Variants in RASA3 observed in about 807,000 individuals in gnomAD.
RASA3 encodes the protein RAS p21 protein activator 3, also known as ras GTPase-activating protein 3.
RASA3 carries 73 observed loss-of-function variants against 110.0 expected under a neutral mutation model. The ratio of observed to expected loss-of-function variants is 0.66; its 90% CI spans 0.55 to 0.81. The LOEUF (loss-of-function observed/expected upper bound fraction) is 0.81, where lower values mean the gene tolerates loss of function less well. RASA3 is among the 30% of genes least tolerant of loss of function. The probability of loss-of-function intolerance (pLI) is 0.00; values close to 1 mark genes in which losing one functional copy is unlikely to be tolerated. For synonymous variants in RASA3, 500 were observed against 451.4 expected, an observed-to-expected ratio of 1.11 and a Z score of -1.37; for missense variants, 976 against 1,113.2, an observed-to-expected ratio of 0.88 and a Z score of 1.75.
Position 113,996,566 on chromosome 13 carries a change from T to A in RASA3, c.2106A>T (p.Pro702=). 1 of 1,613,180 alleles carries A rather than the reference T, an allele frequency of 6.2e-7. No individual in the cohort carries two copies. The highest frequency in any genetic ancestry group is 1.1e-5 in the South Asian group (1 of 91,068). ...GCGAGCAGCCCGGAGCCGAGTCGGA[T>A]GGCGCCCTACAGCACAGCCAGTGGC... The part of the protein sequence containing the change: ...LSGHWLCCRA[P]SDSAPGCSPC... Residue 702 remains proline, a synonymous_variant, in exon 21 of 24, where the codon CCA becomes CCT. Transcript: ENST00000334062.
chr13:114,044,644 C>T (rs1478010503), intron 3 of RASA3, among the ~76,000 whole-genome samples: 1 of 146,614 alleles, frequency 6.8e-6, no homozygotes, highest in East Asian at 2.0e-4. Flanking sequence ...TGCATAACCT[C>T]CCCTTTCCCC....
At chr13:114,031,928 G>A (rs1312472133) in intron 4 of RASA3, among the ~76,000 whole-genome samples, 4 of 152,154 alleles carry the variant, frequency 2.6e-5, no homozygotes, top group Non-Finnish European at 4.4e-5. Context: ...GCAGAACCTC[G>A]GATGGAGCAG....
intron 2 of RASA3, among the ~76,000 whole-genome samples, chr13:114,058,024 T>A (rs988381650): frequency 2.6e-5 from 4 of 151,890 alleles, no homozygotes; most frequent in Non-Finnish European, 5.9e-5. Flanking sequence ...CTTCCCCAGG[T>A]GTGCGTTTTC....
chr13:114,076,365 C>T (rs948205286), intron 1 of RASA3, among the ~76,000 whole-genome samples: 2 of 152,224 alleles, frequency 1.3e-5, no homozygotes, highest in African/African-American at 4.8e-5. Flanking sequence ...CCTTCTTCAC[C>T]CGCTGCATGG....
chr13:114,122,329 G>C (rs902512116), intron 1 of RASA3, among the ~76,000 whole-genome samples: 1 of 152,202 alleles, frequency 6.6e-6, no homozygotes, highest in South Asian at 2.1e-4. Flanking sequence ...CATCCCACCC[G>C]GACCTCGGAG....
In RASA3 at chr13:114,087,913, C is replaced by T. The variant is rs369501467; in HGVS notation, c.56-14076G>A. Among the ~76,000 whole-genome samples, 25 of 152,290 alleles carry T rather than the reference C, an allele frequency of 1.6e-4. No homozygotes were observed. The East Asian group carries it at 2.3e-3, about 14-fold the overall frequency. On this transcript the variant is annotated intron_variant, in intron 1 of 23. Coordinates refer to ENST00000334062, the MANE Select transcript of RASA3 (RefSeq NM_007368.4). Reference sequence around the variant, plus strand: ...GAGAGGCTGAGGCTGACGGATGGCTCGAGCCCAGGAGTTGGAGACCAGCCT... The same window carrying T: ...GAGAGGCTGAGGCTGACGGATGGCTTGAGCCCAGGAGTTGGAGACCAGCCT...
At chr13:114,054,253 G>A (rs1204385467) in intron 2 of RASA3, among the ~76,000 whole-genome samples, 1 of 152,184 alleles carries the variant, frequency 6.6e-6, no homozygotes, top group African/African-American at 2.4e-5. Flanking sequence ...CTCAATAAAT[G>A]ATGACAAATA....
chr13:114,020,995 C>T lies in RASA3; in HGVS notation c.785+409G>A, dbSNP rs371712490. 3.8e-4 allele frequency among the ~76,000 whole-genome samples: 58 copies of T among 152,270 alleles called. 1 individual carries two copies. In the East Asian group the frequency reaches 8.7e-3, roughly 23 times the overall value. The stretch of plus-strand genomic sequence containing the variant: ...GGCCCCGCTTTCACCCAGGATCAGA[C>T]CCCACGAGCTGCTCACAGCTCAGGG... On this transcript the variant is annotated intron_variant, in intron 9 of 23. Transcript: ENST00000334062.
intron 1 of RASA3, among the ~76,000 whole-genome samples, chr13:114,124,841 G>A (rs553147373): frequency 7.2e-4 from 109 of 152,362 alleles, no homozygotes; most frequent in Middle Eastern, 3.4e-3. Flanking sequence ...CTTGCAATCT[G>A]TGAAGGGATG....
chr13:114,000,749 C>T, intron 19 of RASA3, 77 bp downstream of exon 19: 2 of 1,095,696 alleles, frequency 1.8e-6, no homozygotes, highest in Admixed American at 1.7e-5. Context: ...CCTCAGCTCT[C>T]CCCCTGAAAA....
rs75722196 is a variant in RASA3, at chr13:114,022,210, G to T, written c.681-702C>A. ...GCAGGCCCAGCATTGTGAAGCTTCT[G>T]CTCATGTCTAACACAGCAGCGGCTC... On this transcript the variant is annotated intron_variant, in intron 8 of 23. Transcript: ENST00000334062. 3.3e-3 allele frequency among the ~76,000 whole-genome samples: 509 copies of T among 152,308 alleles called. 5 individuals carry two copies. The highest frequency in any genetic ancestry group is 9.7e-3 in the African/African-American group (405 of 41,566).
chr13:114,100,877 G>A lies in RASA3; in HGVS notation c.56-27040C>T, dbSNP rs539424733. Among the ~76,000 whole-genome samples the A allele has an allele frequency of 3.9e-4, 60 of 152,344 alleles. No homozygotes were observed. The South Asian group carries it at 4.1e-3, about 11-fold the overall frequency. ...TGCTAGTGACTGACAGGTGGACTGC[G>A]GGGCCTCAACTGCTACTGAGAATGC... is the stretch of plus-strand genomic sequence containing the variant. On this transcript the variant is annotated intron_variant, in intron 1 of 23. Transcript: ENST00000334062.
Position 114,077,870 on chromosome 13 carries a change from G to A in RASA3, c.56-4033C>T, listed in dbSNP as rs908556601. On this transcript the variant is annotated intron_variant, in intron 1 of 23. Coordinates refer to ENST00000334062, the MANE Select transcript of RASA3 (RefSeq NM_007368.4). Reference sequence around the variant, plus strand: ...CTTTTTAATCTACTTTTGCTATGATGCATTTAATAAAAAAAAAAGTGGGGG... The same window carrying A: ...CTTTTTAATCTACTTTTGCTATGATACATTTAATAAAAAAAAAAGTGGGGG... The A allele has an allele frequency of 1.3e-5, 13 of 983,632 alleles. No individual in the cohort carries two copies. In the South Asian group the frequency reaches 4.2e-4, roughly 32 times the overall value. The allele number at this position is 983,632 out of a possible 1,614,324, so 60.9% of individuals were successfully genotyped here.
chr13:114,019,028 C>A, intron 9 of RASA3, 109 bp from the exon 10 acceptor site: 2 of 1,366,660 alleles, frequency 1.5e-6, no homozygotes, highest in South Asian at 2.6e-5. Flanking sequence ...GGAGGGTGAT[C>A]CTGTAGGACC....
intron 17 of RASA3, 148 bp from the exon 18 acceptor site, chr13:114,007,754 T>C (rs2053549153): frequency 1.4e-6 from 1 of 694,734 alleles, no homozygotes; most frequent in East Asian, 2.7e-5. Flanking sequence ...CCCCGAGGGC[T>C]GTGGGGCCTC....
intron 13 of RASA3, among the ~76,000 whole-genome samples, chr13:114,015,990 C>T (rs1014053234): frequency 1.1e-4 from 16 of 152,042 alleles, no homozygotes; most frequent in Admixed American, 6.5e-5. Flanking sequence ...ACGCAGAGCC[C>T]GGCACACAGG....
intron 12 of RASA3, among the ~76,000 whole-genome samples, chr13:114,016,560 G>A (rs974923352): frequency 2.6e-5 from 4 of 152,196 alleles, no homozygotes; most frequent in African/African-American, 7.2e-5. Flanking sequence ...CACTAGGCAC[G>A]GGGCCCAGTC....
intron 1 of RASA3, among the ~76,000 whole-genome samples, chr13:114,076,599 A>C (rs1256252953): frequency 6.6e-6 from 1 of 152,216 alleles, no homozygotes; most frequent in Non-Finnish European, 1.5e-5. Context: ...CGGCACACGC[A>C]GGCAGGGTGT....
At position 113,999,697 on chromosome 13, in the gene RASA3, C is replaced by T. The variant is rs377301225; in HGVS notation, c.1850-30G>A. On this transcript the variant is annotated intron_variant, in intron 19 of 23. Coordinates refer to ENST00000334062, the MANE Select transcript of RASA3 (RefSeq NM_007368.4). ...AGCAGAGATGGACTGTCAGTGGGTG[C>T]GGGCCCCGCTGTCCCGGCTGGGGTC... 3.4e-5 allele frequency: 54 copies of T among 1,571,960 alleles called. 1 individual carries two copies. Among genetic ancestry groups the T allele is most frequent in the African/African-American group, 5.5e-5 (4 of 72,282 alleles).
Sources: gnomAD v4.1 joint callset for allele counts (sites outside exome capture counted in the v4.1 genomes callset) on GRCh38, gnomAD v4.1.1 for gene constraint, MANE v1.5 for transcripts, NCBI Gene and HGNC (gene_info 2026-07-23, HGNC 2026-07-21) for gene names.